POLG2: variants seen among roughly 807,000 people sequenced by gnomAD.
POLG2 encodes the protein DNA polymerase subunit gamma-2.
Under a neutral mutation model 56.5 loss-of-function variants are expected in POLG2, and 50 were observed. That is an observed-to-expected ratio of 0.88 (90% CI 0.71 to 1.12). The LOEUF (loss-of-function observed/expected upper bound fraction) is 1.12, where lower values mean the gene tolerates loss of function less well. POLG2 is among the 50% of genes most tolerant of loss of function. The pLI is 0.00. For synonymous variants in POLG2, 226 were observed against 222.6 expected (o/e 1.02, Z -0.14); for missense variants, 584 against 583.3 (o/e 1.00, Z -0.01).
At chr17:64,486,942 T>C (rs776362843) in intron 4 of POLG2, 1 of 152,238 alleles carries the variant, frequency 6.6e-6, no homozygotes, top group East Asian at 1.9e-4. Context: ...TTCTTAAAAA[T>C]TTCAATCCTA....
intron 1 of POLG2, among the ~76,000 whole-genome samples, chr17:64,495,218 G>A (rs1410575828): frequency 6.7e-6 from 1 of 150,300 alleles, no homozygotes; most frequent in Non-Finnish European, 1.5e-5. Flanking sequence ...GGCACTAGGT[G>A]TGCTCATTGC....
intron 4 of POLG2, among the ~76,000 whole-genome samples, chr17:64,486,463 G>A (rs571539304): frequency 6.5e-4 from 98 of 151,910 alleles, no homozygotes; most frequent in African/African-American, 2.2e-3. Context: ...CCGGGTTCAA[G>A]TGATTCTCTT....
chr17:64,496,839 C>G lies in POLG2; in HGVS notation c.130G>C (p.Val44Leu), dbSNP rs782350159. 12 of 1,613,790 alleles carry G rather than the reference C, an allele frequency of 7.4e-6. No homozygotes were observed. The highest frequency in any genetic ancestry group is 1.0e-5 in the Non-Finnish European group (12 of 1,180,056). The change falls in exon 1 of 8, where the codon GTG (valine) becomes CTG (leucine). Residue 44 changes from valine to leucine, a missense_variant. Val to Leu is a conservative substitution (Grantham distance 32, BLOSUM62 1). Transcript: ENST00000539111. ...TERSSPKGGHVKSHAELEGNG... is the reference protein window; with the variant it reads ...TERSSPKGGHLKSHAELEGNG... Reference sequence around the variant, plus strand: ...CCCTCGAGCTCCGCGTGCGACTTCACATGCCCTCCTTTGGGGCTACTCCTT... The same window carrying G: ...CCCTCGAGCTCCGCGTGCGACTTCAGATGCCCTCCTTTGGGGCTACTCCTT...
rs371974241 is a variant in POLG2 at position 64,493,051 on chromosome 17, C to G, written c.563-30G>C. 8.1e-6 allele frequency: 13 copies of G among 1,612,314 alleles called. No individual in the cohort carries two copies. In the East Asian group the frequency reaches 2.7e-4, roughly 33 times the overall value. Reference sequence around the variant, plus strand: ...CAAAAGATAAATCAATCATTGTATACATCTAGTCCACAAACCCAAATCATT... The same window carrying G: ...CAAAAGATAAATCAATCATTGTATAGATCTAGTCCACAAACCCAAATCATT... On this transcript the variant is annotated intron_variant, in intron 1 of 7. Coordinates refer to ENST00000539111, the MANE Select transcript of POLG2 (RefSeq NM_007215.4).
At chr17:64,486,832 C>A (rs909963909) in intron 4 of POLG2, 13 of 152,012 alleles carry the variant, frequency 8.6e-5, no homozygotes, top group African/African-American at 3.1e-4. Flanking sequence ...TGCATTAAAG[C>A]CATAATTATG....
At chr17:64,479,616 C>T (rs1229897949) in intron 7 of POLG2, among the ~76,000 whole-genome samples, 1 of 151,990 alleles carries the variant, frequency 6.6e-6, no homozygotes, top group Non-Finnish European at 1.5e-5. Context: ...TATTTAAAAA[C>T]AACAATTAAT....
chr17:64,479,899 T>C (rs553315616), intron 7 of POLG2, among the ~76,000 whole-genome samples: 1 of 152,250 alleles, frequency 6.6e-6, no homozygotes, highest in South Asian at 2.1e-4. Flanking sequence ...GAACAGACCA[T>C]CCCTCCAGAA....
intron 4 of POLG2, among the ~76,000 whole-genome samples, chr17:64,489,125 G>A (rs2038011846): frequency 6.7e-6 from 1 of 148,676 alleles, no homozygotes; most frequent in Non-Finnish European, 1.5e-5. Flanking sequence ...ACAATATATT[G>A]CTACAAAAGG....
intron 5 of POLG2, among the ~76,000 whole-genome samples, chr17:64,483,218 A>G (rs2037892577): frequency 6.6e-6 from 1 of 152,196 alleles, no homozygotes; most frequent in African/African-American, 2.4e-5. Context: ...TGTTTGGCAG[A>G]AAGAAATTAA....
At chr17:64,490,065 T>A (rs2038031115) in intron 4 of POLG2, among the ~76,000 whole-genome samples, 1 of 151,974 alleles carries the variant, frequency 6.6e-6, no homozygotes, top group South Asian at 2.1e-4. Context: ...GCTGAGACTA[T>A]AAGGGCAAGC....
At chr17:64,491,752 A>G in intron 3 of POLG2, 1 of 727,022 alleles carries the variant, frequency 1.4e-6, no homozygotes, top group Admixed American at 1.8e-5. Context: ...CTTTCCTACA[A>G]GGAGCTCAAG....
In POLG2 at chr17:64,490,963, T is replaced by C; in HGVS notation, c.802A>G (p.Met268Val). 2 of 1,612,908 alleles carry C rather than the reference T, an allele frequency of 1.2e-6. No individual in the cohort carries two copies. The highest frequency in any genetic ancestry group is 1.7e-6 in the Non-Finnish European group (2 of 1,178,870). The change falls in exon 4 of 8, where the codon ATG (methionine) becomes GTG (valine). Residue 268 changes from methionine to valine, a missense_variant. Physicochemically the swap from Met to Val is conservative, Grantham distance 21 (BLOSUM62 1). Transcript: ENST00000539111. ...HRLQWWRKFA[M>V]SPSNFSSSDC... ...CTGCTGCTGAAGTTAGATGGACTCA[T>C]GGCAAACTGGAAAAGAAAATTTAAG...
At chr17:64,490,393 T>TA (rs2038037416) in intron 4 of POLG2, 1 of 237,650 alleles carries the variant, frequency 4.2e-6, no homozygotes, top group Non-Finnish European at 8.4e-6. Flanking sequence ...CAAAAATACA[T>TA]AAATCACGTG....
chr17:64,495,660 T>A (rs1416450625), intron 1 of POLG2, among the ~76,000 whole-genome samples: 1 of 152,208 alleles, frequency 6.6e-6, no homozygotes, highest in Non-Finnish European at 1.5e-5. Flanking sequence ...ATATTATCTC[T>A]TCTTTTACAA....
intron 1 of POLG2, 31 bp from the exon 2 acceptor site, chr17:64,493,052 A>G (rs782034529): frequency 6.2e-7 from 1 of 1,612,518 alleles, no homozygotes. Flanking sequence ...CATTGTATAC[A>G]TCTAGTCCAC....
intron 1 of POLG2, among the ~76,000 whole-genome samples, chr17:64,495,866 G>C (rs1348595731): frequency 6.6e-6 from 1 of 151,972 alleles, no homozygotes; most frequent in Non-Finnish European, 1.5e-5. Context: ...TCGCCGTCAC[G>C]GCCGGCTAAT....
In POLG2 at chr17:64,496,821, G is replaced by A. The variant is rs1309326584; in HGVS notation, c.148C>T (p.Leu50Phe). Residue 50 changes from leucine to phenylalanine, a missense_variant, in exon 1 of 8, where the codon CTC becomes TTC. Physicochemically the swap from Leu to Phe is conservative, Grantham distance 22 (BLOSUM62 0). Coordinates refer to ENST00000539111, the MANE Select transcript of POLG2 (RefSeq NM_007215.4). ...KGGHVKSHAE[L>F]EGNGEHPEAP... ...TCTGGGTGCTCGCCGTTCCCCTCGAGCTCCGCGTGCGACTTCACATGCCCT... is the reference window on the plus strand; with the variant it reads ...TCTGGGTGCTCGCCGTTCCCCTCGAACTCCGCGTGCGACTTCACATGCCCT... 2 of 1,613,666 alleles carry A rather than the reference G, an allele frequency of 1.2e-6. No homozygotes were observed. Among genetic ancestry groups the A allele is most frequent in the East Asian group, 2.2e-5 (1 of 44,876 alleles).
intron 7 of POLG2, among the ~76,000 whole-genome samples, chr17:64,478,211 GAA>G (rs1436356543): frequency 6.6e-6 from 1 of 152,112 alleles, no homozygotes; most frequent in African/African-American, 2.4e-5. Context: ...AGTCATAAAA[GAA>G]AATAAAATCT....
At position 64,496,819 on chromosome 17, in the gene POLG2, G is replaced by C. The variant is rs1202762031; in HGVS notation, c.150C>G (p.Leu50=). The C allele has an allele frequency of 6.2e-7, 1 of 1,613,410 alleles. No individual in the cohort carries two copies. Among genetic ancestry groups the C allele is most frequent in the Non-Finnish European group, 8.5e-7 (1 of 1,179,982 alleles). Residue 50 remains leucine, a synonymous_variant, in exon 1 of 8, where the codon CTC becomes CTG. Transcript: ENST00000539111. ...KGGHVKSHAE[L]EGNGEHPEAP... ...CTTCTGGGTGCTCGCCGTTCCCCTC[G>C]AGCTCCGCGTGCGACTTCACATGCC...
Sources: gnomAD v4.1 joint callset for allele counts (sites outside exome capture counted in the v4.1 genomes callset) on GRCh38, gnomAD v4.1.1 for gene constraint, MANE v1.5 for transcripts, NCBI Gene and HGNC (gene_info 2026-07-23, HGNC 2026-07-21) for gene names.